Variants in IL1RL2 observed in about 807,000 individuals in gnomAD.
IL1RL2 encodes interleukin 1 receptor like 2, also known as interleukin-1 receptor-like 2.
In IL1RL2, 68 loss-of-function variants were observed where a neutral mutation model predicts 66.8. The ratio of observed to expected loss-of-function variants is 1.02; its 90% CI spans 0.84 to 1.25. IL1RL2 has a LOEUF of 1.25. IL1RL2 is among the 50% of genes most tolerant of loss of function. The pLI, the probability that IL1RL2 is intolerant of heterozygous loss-of-function variation, is 0.00. For missense variants in IL1RL2, 729 were observed against 709.3 expected (o/e 1.03, Z -0.32); for synonymous variants, 305 against 264.6 (o/e 1.15, Z -1.48).
At chr2:102,217,646 A>T (rs1271489936) in intron 6 of IL1RL2, among the ~76,000 whole-genome samples, 2 of 152,204 alleles carry the variant, frequency 1.3e-5, no homozygotes, top group Non-Finnish European at 2.9e-5. Flanking sequence ...CAGCCAACTG[A>T]TATTTGACAA....
intron 3 of IL1RL2, among the ~76,000 whole-genome samples, chr2:102,189,798 G>A (rs1457122747): frequency 2.0e-5 from 3 of 152,080 alleles, no homozygotes; most frequent in African/African-American, 7.2e-5. Context: ...GATTATAGGC[G>A]CAAGCCACCA....
At chr2:102,217,584 A>C (rs1362538896) in intron 6 of IL1RL2, among the ~76,000 whole-genome samples, 1 of 152,198 alleles carries the variant, frequency 6.6e-6, no homozygotes, top group Admixed American at 6.5e-5. Context: ...GAAAACAGGC[A>C]CATAGATCAA....
chr2:102,225,922 T>C lies in IL1RL2; in HGVS notation c.1016T>C (p.Ile339Thr). 4.4e-6 allele frequency: 7 copies of C among 1,599,290 alleles called. No individual in the cohort carries two copies. The highest frequency in any genetic ancestry group is 6.0e-6 in the Non-Finnish European group (7 of 1,172,948). The change falls in exon 9 of 12, where the codon ATA becomes ACA. Residue 339 changes from isoleucine to threonine, a missense_variant. Ile to Thr is a moderately conservative substitution (Grantham distance 89, BLOSUM62 -1). Transcript: ENST00000264257. Reference sequence around the variant, plus strand: ...GCTCCGGATTTTCGAGCTTACTTGATAGGAGGGCTTATCGCCTTGGTGGCT... The same window carrying C: ...GCTCCGGATTTTCGAGCTTACTTGACAGGAGGGCTTATCGCCTTGGTGGCT... ...LPAPDFRAYL[I>T]GGLIALVAVA...
chr2:102,208,063 C>G (rs1384705563), intron 5 of IL1RL2, among the ~76,000 whole-genome samples: 2 of 152,334 alleles, frequency 1.3e-5, no homozygotes, highest in East Asian at 3.9e-4. Context: ...CCTTTCTCCT[C>G]CAGCAACCAG....
intron 5 of IL1RL2, among the ~76,000 whole-genome samples, chr2:102,203,178 T>C (rs1018489719): frequency 2.0e-5 from 3 of 152,218 alleles, no homozygotes; most frequent in African/African-American, 7.2e-5. Context: ...ATGTATTACA[T>C]TGATTGATTT....
Position 102,191,736 on chromosome 2 carries a change from A to G in IL1RL2, c.294-189A>G, listed in dbSNP as rs879814204. Among the ~76,000 whole-genome samples, 36 of 152,228 alleles carry G rather than the reference A, an allele frequency of 2.4e-4. 1 individual carries two copies. The highest frequency in any genetic ancestry group is 1.8e-3 in the Admixed American group (28 of 15,278). On this transcript the variant is annotated intron_variant, in intron 3 of 11. Coordinates refer to ENST00000264257, the MANE Select transcript of IL1RL2 (RefSeq NM_003854.4). ...TGATCACTCAGTTAAGGTGTTGTCCAGTTCCTCCACTGTATGAATACCATT... is the reference window on the plus strand; with the variant it reads ...TGATCACTCAGTTAAGGTGTTGTCCGGTTCCTCCACTGTATGAATACCATT...
At chr2:102,238,634 G>A (rs1675076940) in intron 11 of IL1RL2, among the ~76,000 whole-genome samples, 1 of 152,168 alleles carries the variant, frequency 6.6e-6, no homozygotes, top group Non-Finnish European at 1.5e-5. Context: ...ATCTGGGGCT[G>A]TGTAAAGTGG....
At position 102,235,144 on chromosome 2, in the gene IL1RL2, G is replaced by A; in HGVS notation, c.1545G>A (p.Gly515=). The part of the protein sequence containing the change: ...KQKHGAIRWH[G]DFTEQSQCMK... ...AGCATGGTGCCATCCGGTGGCATGG[G>A]GACTTCACGGAGCAGTCACAGTGTA... is the stretch of plus-strand genomic sequence containing the variant. The change falls in exon 11 of 12, where the codon GGG becomes GGA. Residue 515 remains glycine, a synonymous_variant. Transcript: ENST00000264257. 1 of 1,614,188 alleles carries A rather than the reference G, an allele frequency of 6.2e-7. No homozygotes were observed. Among genetic ancestry groups the A allele is most frequent in the Non-Finnish European group, 8.5e-7 (1 of 1,180,038 alleles).
At chr2:102,213,630 G>C (rs180730513) in intron 6 of IL1RL2, among the ~76,000 whole-genome samples, 23 of 152,200 alleles carry the variant, frequency 1.5e-4, no homozygotes, top group African/African-American at 5.1e-4. Context: ...AATAATGATA[G>C]TGAGAATACG....
chr2:102,198,698 GTTCTT>G (rs1687988413), intron 4 of IL1RL2, among the ~76,000 whole-genome samples: 1 of 151,832 alleles, frequency 6.6e-6, no homozygotes, highest in Non-Finnish European at 1.5e-5. Flanking sequence ...TCATCACTGA[GTTCTT>G]TTCCTCTATA....
At chr2:102,228,761 G>T (rs1350045666) in intron 9 of IL1RL2, among the ~76,000 whole-genome samples, 1 of 152,208 alleles carries the variant, frequency 6.6e-6, no homozygotes, top group East Asian at 1.9e-4. Flanking sequence ...AGGTGAATTT[G>T]CTTTTCAAGC....
At chr2:102,192,665 G>T (rs947997925) in intron 4 of IL1RL2, among the ~76,000 whole-genome samples, 2 of 152,116 alleles carry the variant, frequency 1.3e-5, no homozygotes, top group South Asian at 2.1e-4. Flanking sequence ...ATCTTCAAAA[G>T]TTCTCTTTTC....
chr2:102,222,806 G>C (rs761603155), intron 8 of IL1RL2, among the ~76,000 whole-genome samples: 2 of 152,210 alleles, frequency 1.3e-5, no homozygotes, highest in Non-Finnish European at 2.9e-5. Context: ...GAGACTCAGG[G>C]TCCACCCCAG....
Position 102,189,274 on chromosome 2 carries a change from A to C in IL1RL2, c.257A>C (p.Glu86Ala). Residue 86 changes from glutamate (E) to alanine (A), a missense_variant, in exon 3 of 12, where the codon GAA becomes GCA. Transcript: ENST00000264257. The stretch of plus-strand genomic sequence containing the variant: ...ACTTGGATTTTGTTTCTCCCCATGG[A>C]ATGGGGGGACTCAGGAGTCTACCAA... Reference protein sequence around the residue: ...DETWILFLPMEWGDSGVYQCV... With the variant: ...DETWILFLPMAWGDSGVYQCV... 1 of 1,611,552 alleles carries C rather than the reference A, an allele frequency of 6.2e-7. No individual in the cohort carries two copies.
intron 4 of IL1RL2, among the ~76,000 whole-genome samples, chr2:102,194,068 A>G (rs1490131717): frequency 2.0e-5 from 3 of 152,194 alleles, no homozygotes; most frequent in Non-Finnish European, 2.9e-5. Flanking sequence ...CTTTCCCATG[A>G]AAGTTAAGAA....
At position 102,187,267 on chromosome 2, in the gene IL1RL2, G is replaced by A. The variant is rs75238251; in HGVS notation, c.-13+181G>A. ...GGAGCCGACTCCGTCTCTGGGTCGA[G>A]GAGTGGAGCTCGCGGCTATTTTCAG... On this transcript the variant is annotated intron_variant, in intron 1 of 11. Transcript: ENST00000264257. The A allele has an allele frequency of 4.0e-5, 47 of 1,180,680 alleles. No homozygotes were observed. In the South Asian group the frequency reaches 7.3e-4, roughly 18 times the overall value. 73.1% of individuals were successfully genotyped at this position (1,180,680 alleles called of 1,614,324 possible).
intron 1 of IL1RL2, 186 bp downstream of exon 1, chr2:102,187,272 G>A: frequency 8.5e-7 from 1 of 1,177,756 alleles, no homozygotes; most frequent in South Asian, 1.6e-5. Context: ...GTCGAGGAGT[G>A]GAGCTCGCGG....
intron 8 of IL1RL2, among the ~76,000 whole-genome samples, chr2:102,223,350 T>A (rs1690310747): frequency 4.6e-5 from 7 of 152,126 alleles, no homozygotes. Flanking sequence ...TGAAGCAGGG[T>A]CTCTAGAAGG....
downstream of IL1RL2, chr2:102,240,027 C>G (rs1296880195): frequency 6.6e-6 from 1 of 152,186 alleles, no homozygotes; most frequent in Non-Finnish European, 1.5e-5. Flanking sequence ...GTTTACCATG[C>G]CTGTCAAAAT....
Sources: gnomAD v4.1 joint callset for allele counts (sites outside exome capture counted in the v4.1 genomes callset) on GRCh38, gnomAD v4.1.1 for gene constraint, MANE v1.5 for transcripts, NCBI Gene and HGNC (gene_info 2026-07-23, HGNC 2026-07-21) for gene names.